The following PDGFC variants were observed in gnomAD, a reference collection of about 807,000 sequenced individuals.
PDGFC encodes platelet derived growth factor C.
Under a neutral mutation model 35.5 loss-of-function variants are expected in PDGFC, and 12 were observed. The observed-to-expected ratio is 0.34, with a 90% CI of 0.22 to 0.55. PDGFC has a LOEUF of 0.55. Ranked by LOEUF, PDGFC falls within the 20% of genes least tolerant of loss-of-function variation. The pLI, the probability that PDGFC is intolerant of heterozygous loss-of-function variation, is 0.91. For missense variants in PDGFC, 322 were observed against 412.4 expected (o/e 0.78, Z 1.90); for synonymous variants, 159 against 148.8 (o/e 1.07, Z -0.50).
intron 1 of PDGFC, among the ~76,000 whole-genome samples, chr4:156,885,999 A>C (rs1333750333): frequency 6.6e-6 from 1 of 152,212 alleles, no homozygotes; most frequent in Non-Finnish European, 1.5e-5. Flanking sequence ...ACTGATATTT[A>C]GTCTTGCATT....
chr4:156,900,959 G>A (rs1579087510), intron 1 of PDGFC, among the ~76,000 whole-genome samples: 1 of 150,972 alleles, frequency 6.6e-6, no homozygotes. Flanking sequence ...AAGTGAGGGA[G>A]GGAGGAAGAA....
intron 1 of PDGFC, among the ~76,000 whole-genome samples, chr4:156,948,441 TAA>T (rs1224017446): frequency 1.3e-5 from 2 of 151,938 alleles, no homozygotes; most frequent in African/African-American, 4.8e-5. Flanking sequence ...GAGCCAATTT[TAA>T]ATCTTAAGCC....
chr4:156,946,197 G>T (rs1173479241), intron 1 of PDGFC, among the ~76,000 whole-genome samples: 1 of 151,882 alleles, frequency 6.6e-6, no homozygotes, highest in Admixed American at 6.6e-5. Context: ...AGATAGAGAG[G>T]AAACAACTTT....
intron 1 of PDGFC, among the ~76,000 whole-genome samples, chr4:156,862,938 C>T (rs1463041605): frequency 2.0e-5 from 3 of 152,066 alleles, no homozygotes; most frequent in Non-Finnish European, 4.4e-5. Flanking sequence ...CATGATCCAT[C>T]CACCTCAGCC....
intron 1 of PDGFC, among the ~76,000 whole-genome samples, chr4:156,927,216 C>T (rs908202232): frequency 8.5e-5 from 13 of 152,132 alleles, no homozygotes; most frequent in Non-Finnish European, 1.8e-4. Context: ...CCCAGGAAAC[C>T]ATTTTTTCCT....
intron 1 of PDGFC, among the ~76,000 whole-genome samples, chr4:156,963,635 C>A (rs1254490318): frequency 6.6e-6 from 1 of 152,052 alleles, no homozygotes; most frequent in African/African-American, 2.4e-5. Flanking sequence ...AATAACCGTC[C>A]AGGGAGGAGC....
intron 1 of PDGFC, among the ~76,000 whole-genome samples, chr4:156,878,107 G>A (rs1049879977): frequency 3.3e-5 from 5 of 152,178 alleles, no homozygotes; most frequent in Admixed American, 6.5e-5. Context: ...AGCACTTAAC[G>A]AATATTTGTG....
In PDGFC at chr4:156,872,490, G is replaced by C. The variant is rs546917330; in HGVS notation, c.119-22074C>G. Among the ~76,000 whole-genome samples, 3 of 152,080 alleles carry C rather than the reference G, an allele frequency of 2.0e-5. No homozygotes were observed. In the South Asian group the frequency reaches 6.2e-4, roughly 32 times the overall value. ...GTCTGACTTCTTGCCCAAGGGCCCCGGACCCTTAGTACACACTCCTCTCAT... is the reference window on the plus strand; with the variant it reads ...GTCTGACTTCTTGCCCAAGGGCCCCCGACCCTTAGTACACACTCCTCTCAT... On this transcript the variant is annotated intron_variant, in intron 1 of 5. Coordinates refer to ENST00000502773, the MANE Select transcript of PDGFC (RefSeq NM_016205.3).
At chr4:156,891,628 C>T (rs796960181) in intron 1 of PDGFC, among the ~76,000 whole-genome samples, 173 of 152,176 alleles carry the variant, frequency 1.1e-3, no homozygotes, top group African/African-American at 3.9e-3. Context: ...TTCCACCTTG[C>T]CAGTAAGAAA....
At chr4:156,850,916 G>T (rs12331555) in intron 1 of PDGFC, among the ~76,000 whole-genome samples, 4,445 of 152,214 alleles carry the variant, frequency 0.029, 240 homozygotes, top group African/African-American at 0.1. Flanking sequence ...TAAGATATTT[G>T]AAGAAAGTGA....
chr4:156,820,773 C>CTTATA (rs1732230910), intron 2 of PDGFC, among the ~76,000 whole-genome samples: 1 of 152,030 alleles, frequency 6.6e-6, no homozygotes, highest in Non-Finnish European at 1.5e-5. Flanking sequence ...ATAAAATCAA[C>CTTATA]AACTTAGATA....
chr4:156,964,736 C>G (rs1732425424), intron 1 of PDGFC, among the ~76,000 whole-genome samples: 1 of 152,156 alleles, frequency 6.6e-6, no homozygotes, highest in South Asian at 2.1e-4. Context: ...TAGTGGCTGT[C>G]TAGTGGCCTT....
intron 1 of PDGFC, among the ~76,000 whole-genome samples, chr4:156,864,511 C>G (rs1399985629): frequency 1.3e-5 from 2 of 152,042 alleles, no homozygotes; most frequent in Non-Finnish European, 2.9e-5. Flanking sequence ...TTGGGAAAAA[C>G]GTGTATACTA....
At chr4:156,780,192 C>T (rs1035892016) in intron 3 of PDGFC, among the ~76,000 whole-genome samples, 3 of 142,672 alleles carry the variant, frequency 2.1e-5, no homozygotes, top group African/African-American at 7.9e-5. Context: ...GCTAAAATAA[C>T]GTCTATCAGT....
At chr4:156,908,165 C>CA (rs1730961206) in intron 1 of PDGFC, among the ~76,000 whole-genome samples, 1 of 151,140 alleles carries the variant, frequency 6.6e-6, no homozygotes. Context: ...GACTCCATTC[C>CA]AAAAAAGAAA....
At chr4:156,850,711 A>G (rs1441215346) in intron 1 of PDGFC, among the ~76,000 whole-genome samples, 1 of 152,186 alleles carries the variant, frequency 6.6e-6, no homozygotes, top group Non-Finnish European at 1.5e-5. Flanking sequence ...ATCACAATAA[A>G]GCTGAGTTAA....
chr4:156,824,333 C>CATACACATACACACAT (rs1560827592), intron 2 of PDGFC, among the ~76,000 whole-genome samples: 1 of 84,864 alleles, frequency 1.2e-5, no homozygotes, highest in African/African-American at 7.2e-5. Flanking sequence ...TATATACACA[C>CATACACATACACACAT]ACACACACAC....
intron 1 of PDGFC, among the ~76,000 whole-genome samples, chr4:156,900,998 G>A (rs1044426387): frequency 2.6e-5 from 4 of 151,788 alleles, no homozygotes; most frequent in Admixed American, 2.0e-4. Context: ...AGAAGTGAGT[G>A]TACAAAAGAG....
chr4:156,795,438 A>C (rs1731415139), intron 3 of PDGFC, among the ~76,000 whole-genome samples: 1 of 152,142 alleles, frequency 6.6e-6, no homozygotes, highest in Non-Finnish European at 1.5e-5. Context: ...TGTGGCTATA[A>C]TTTTTGGAAG....
Sources: allele counts gnomAD v4.1 joint callset (sites outside exome capture counted in the v4.1 genomes callset), GRCh38; gene constraint gnomAD v4.1.1; transcripts MANE v1.5; gene names NCBI Gene and HGNC (gene_info 2026-07-23, HGNC 2026-07-21).